Variants in TMEM131 observed in about 807,000 individuals in gnomAD.
The protein encoded by TMEM131 is 2610524E03Rik.
A neutral mutation model predicts 211.6 loss-of-function variants in TMEM131; 66 were observed. The observed-to-expected ratio is 0.31, with a 90% CI of 0.26 to 0.38. The LOEUF is 0.38. Ranked by LOEUF, TMEM131 falls within the 10% of genes least tolerant of loss-of-function variation. TMEM131 has a pLI of 1.00. For missense variants in TMEM131, 2,036 were observed against 2,299.3 expected, an observed-to-expected ratio of 0.89 and a Z score of 2.34; for synonymous variants, 844 against 841.3, an observed-to-expected ratio of 1.00 and a Z score of -0.06.
intron 19 of TMEM131, among the ~76,000 whole-genome samples, chr2:97,806,163 C>T (rs1681287331): frequency 6.6e-6 from 1 of 152,164 alleles, no homozygotes; most frequent in Non-Finnish European, 1.5e-5. Context: ...AAAGTCTCTT[C>T]ATTAGGAAAA....
At chr2:97,978,946 T>C (rs72944838) in intron 1 of TMEM131, among the ~76,000 whole-genome samples, 1,620 of 152,288 alleles carry the variant, frequency 0.011, 36 homozygotes, top group African/African-American at 0.037. Context: ...ATTTTTAAAA[T>C]AAGACATGAA....
chr2:97,848,570 T>C (rs1343956771), intron 5 of TMEM131, among the ~76,000 whole-genome samples: 1 of 152,210 alleles, frequency 6.6e-6, no homozygotes, highest in Non-Finnish European at 1.5e-5. Context: ...TTATACTGTA[T>C]TATTTGTTTG....
intron 39 of TMEM131, 62 bp from the exon 40 acceptor site, chr2:97,759,115 T>C: frequency 6.3e-7 from 1 of 1,598,740 alleles, no homozygotes. Flanking sequence ...CTATAGCATA[T>C]GGGGCTTCAC....
chr2:97,904,496 TTTCTC>T (rs1192356023), intron 3 of TMEM131, among the ~76,000 whole-genome samples: 31 of 152,312 alleles, frequency 2.0e-4, no homozygotes, highest in African/African-American at 6.5e-4. Flanking sequence ...TTTTCCATCT[TTTCTC>T]TAAAATTATT....
chr2:97,779,405 C>G (rs1679889108), intron 31 of TMEM131, among the ~76,000 whole-genome samples: 1 of 152,234 alleles, frequency 6.6e-6, no homozygotes, highest in Non-Finnish European at 1.5e-5. Context: ...CTCTGCCTCC[C>G]GCTTGCCCCT....
intron 29 of TMEM131, among the ~76,000 whole-genome samples, chr2:97,794,008 A>C (rs1271565289): frequency 4.7e-5 from 7 of 149,798 alleles, no homozygotes; most frequent in East Asian, 2.0e-4. Flanking sequence ...AAAAAAAAAA[A>C]AAAAAAACAA....
intron 1 of TMEM131, among the ~76,000 whole-genome samples, chr2:97,949,990 G>A (rs1455375257): frequency 5.3e-5 from 8 of 151,890 alleles, no homozygotes; most frequent in African/African-American, 1.9e-4. Context: ...CTTATTTCTT[G>A]TACCTGCAAA....
At chr2:97,877,794 G>A (rs1674759907) in intron 4 of TMEM131, among the ~76,000 whole-genome samples, 2 of 152,116 alleles carry the variant, frequency 1.3e-5, no homozygotes, top group Non-Finnish European at 2.9e-5. Context: ...ACATAGGCAT[G>A]GGCAAAGACT....
At chr2:97,959,138 C>G (rs996270711) in intron 1 of TMEM131, among the ~76,000 whole-genome samples, 16 of 152,120 alleles carry the variant, frequency 1.1e-4, no homozygotes, top group Middle Eastern at 3.4e-3. Context: ...AAAGTAGATG[C>G]CTTGGAAAGT....
rs574690865 is a variant in TMEM131 at position 97,811,571 on chromosome 2, C to A, written c.1864-339G>T. On this transcript the variant is annotated intron_variant, in intron 17 of 40. Coordinates refer to ENST00000186436, the MANE Select transcript of TMEM131 (RefSeq NM_015348.2). ...CACAGCCTTCCACCAACCTTTCAGG[C>A]ACACTGGAGCCACAATTGTATACAC... 3.0e-4 allele frequency among the ~76,000 whole-genome samples: 46 copies of A among 152,306 alleles called. 1 individual carries two copies. In the South Asian group the frequency reaches 9.5e-3, roughly 32 times the overall value.
chr2:97,834,515 G>C (rs1409079006), intron 10 of TMEM131, 106 bp downstream of exon 10: 2 of 898,980 alleles, frequency 2.2e-6, no homozygotes, highest in Non-Finnish European at 3.3e-6. Context: ...AACCAACTGA[G>C]AAATAATGTT....
intron 22 of TMEM131, among the ~76,000 whole-genome samples, chr2:97,804,568 C>A (rs977049803): frequency 2.6e-4 from 36 of 138,070 alleles, no homozygotes; most frequent in African/African-American, 9.4e-4. Context: ...GAGGCTGATG[C>A]AGGAGAATCA....
intron 1 of TMEM131, among the ~76,000 whole-genome samples, chr2:97,941,594 C>T (rs1385206260): frequency 1.3e-5 from 2 of 152,134 alleles, no homozygotes; most frequent in African/African-American, 2.4e-5. Context: ...GGGCTAATAT[C>T]CAGAATCGAC....
chr2:97,836,976 A>T, intron 8 of TMEM131, 101 bp downstream of exon 8: 1 of 866,504 alleles, frequency 1.2e-6, no homozygotes, highest in Non-Finnish European at 1.9e-6. Context: ...AAGAGAAGTC[A>T]TCCATATTTG....
chr2:97,770,912 T>A (rs974061511), intron 33 of TMEM131, among the ~76,000 whole-genome samples: 4 of 152,242 alleles, frequency 2.6e-5, no homozygotes. Flanking sequence ...CCTCATTTAC[T>A]TTAAAATATC....
chr2:97,943,062 AAAGAAAGAAAGAAAG>A (rs1677861832), intron 1 of TMEM131, among the ~76,000 whole-genome samples: 3 of 83,786 alleles, frequency 3.6e-5, no homozygotes, highest in Non-Finnish European at 8.4e-5. Context: ...AGAAAGAAAG[AAAGAAAGAAAGAAAG>A]AAAGAAAGAA....
chr2:97,872,529 C>A (rs2105228206), intron 4 of TMEM131, among the ~76,000 whole-genome samples: 1 of 152,276 alleles, frequency 6.6e-6, no homozygotes, highest in Middle Eastern at 3.4e-3. Context: ...GAGATGGATG[C>A]AGAAGGCGGG....
intron 8 of TMEM131, 108 bp from the exon 9 acceptor site, chr2:97,835,033 C>T (rs1682874639): frequency 1.8e-6 from 2 of 1,137,856 alleles, no homozygotes; most frequent in Admixed American, 2.5e-5. Context: ...TTCTATATAC[C>T]TATTAATAAA....
At chr2:97,775,301 C>T (rs1679669703) in intron 32 of TMEM131, among the ~76,000 whole-genome samples, 1 of 152,116 alleles carries the variant, frequency 6.6e-6, no homozygotes, top group South Asian at 2.1e-4. Context: ...GTGTCCTGGG[C>T]TGGGCTCCTC....
Sources: gnomAD v4.1 joint callset for allele counts (sites outside exome capture counted in the v4.1 genomes callset) on GRCh38, gnomAD v4.1.1 for gene constraint, MANE v1.5 for transcripts, NCBI Gene and HGNC (gene_info 2026-07-23, HGNC 2026-07-21) for gene names.